The following WWC1 variants were observed in gnomAD, a reference collection of about 807,000 sequenced individuals.
WWC1 encodes the protein protein KIBRA.
A neutral mutation model predicts 138.4 loss-of-function variants in WWC1; 55 were observed. The observed-to-expected ratio is 0.40, with a 90% confidence interval of 0.32 to 0.50. The LOEUF (loss-of-function observed/expected upper bound fraction) is 0.50, where lower values mean the gene tolerates loss of function less well. Among genes scored for constraint, WWC1 ranks in the 20% least tolerant of loss-of-function variants. The probability of loss-of-function intolerance (pLI) is 0.72; values close to 1 mark genes in which losing one functional copy is unlikely to be tolerated. For synonymous variants in WWC1, 524 were observed against 564.9 expected, an observed-to-expected ratio of 0.93 and a Z score of 1.03; for missense variants, 1,226 against 1,420.4, an observed-to-expected ratio of 0.86 and a Z score of 2.20.
chr5:168,399,096 G>T (rs1482490892), intron 4 of WWC1, among the ~76,000 whole-genome samples: 1 of 152,144 alleles, frequency 6.6e-6, no homozygotes, highest in Non-Finnish European at 1.5e-5. Flanking sequence ...AGTGATCCAT[G>T]GCTCTGGAAA....
rs1411270620 is a variant in WWC1 at position 168,470,973 on chromosome 5, C to A, written c.*1956C>A. ...TTATGCACACCGCAATTTGAGAGCCCCACTGGTATAAAGTGAGTGAAACCC... is the reference window on the plus strand; with the variant it reads ...TTATGCACACCGCAATTTGAGAGCCACACTGGTATAAAGTGAGTGAAACCC... On this transcript the variant is annotated 3_prime_UTR_variant, in exon 23 of 23. Transcript: ENST00000265293. 6.6e-6 allele frequency: 1 copy of A among 152,180 alleles called. No homozygotes were observed. Among genetic ancestry groups the A allele is most frequent in the African/African-American group, 2.4e-5 (1 of 41,396 alleles). The allele number at this position is 152,180 out of a possible 1,614,324, so 9.4% of individuals were successfully genotyped here.
At chr5:168,404,436 G>T (rs759104000) in intron 5 of WWC1, among the ~76,000 whole-genome samples, 9 of 152,224 alleles carry the variant, frequency 5.9e-5, no homozygotes, top group African/African-American at 1.2e-4. Context: ...TTTTTAGTGG[G>T]GAGACATAAA....
intron 9 of WWC1, chr5:168,415,788 TGTGTGTGTGTGGGGGGGGGGGGGGG>T: frequency 1.8e-4 from 1 of 5,548 alleles, no homozygotes; most frequent in African/African-American, 6.9e-4. Flanking sequence ...GATTTTCAAG[TGTGTGTGTGTGGGGGGGGGGGGGGG>T]GCGTGTGTGT....
intron 3 of WWC1, 86 bp from the exon 4 acceptor site, chr5:168,397,638 C>G (rs922848276): frequency 5.0e-6 from 7 of 1,393,996 alleles, no homozygotes; most frequent in Non-Finnish European, 7.0e-6. Context: ...CCTTCCCTTT[C>G]TAGGTTTATT....
At chr5:168,386,542 G>A (rs916338800) in intron 3 of WWC1, among the ~76,000 whole-genome samples, 16 of 151,368 alleles carry the variant, frequency 1.1e-4, no homozygotes, top group South Asian at 2.1e-4. Flanking sequence ...ACAGGCGCCC[G>A]CCACCACGCC....
At chr5:168,429,780 A>G (rs895021692) in intron 13 of WWC1, among the ~76,000 whole-genome samples, 13 of 152,054 alleles carry the variant, frequency 8.5e-5, no homozygotes, top group Non-Finnish European at 1.9e-4. Context: ...CTAAAAATAC[A>G]CAAAATTAGC....
At chr5:168,425,447 T>G (rs1345501426) in intron 11 of WWC1, among the ~76,000 whole-genome samples, 1 of 152,080 alleles carries the variant, frequency 6.6e-6, no homozygotes, top group Admixed American at 6.5e-5. Flanking sequence ...TATTTACTCA[T>G]TTAAGCCTTA....
At chr5:168,441,940 C>T (rs1471936283) in intron 16 of WWC1, 106 bp downstream of exon 16, 2 of 1,444,400 alleles carry the variant, frequency 1.4e-6, no homozygotes, top group Non-Finnish European at 1.8e-6. Flanking sequence ...GAGAGGAGAA[C>T]AATGGGGTGG....
At chr5:168,301,668 G>A (rs1770094219) in intron 1 of WWC1, among the ~76,000 whole-genome samples, 1 of 150,356 alleles carries the variant, frequency 6.7e-6, no homozygotes, top group African/African-American at 2.4e-5. Flanking sequence ...AAGTGACCTT[G>A]AACCAGTTCC....
chr5:168,411,954 A>G, intron 8 of WWC1: 1 of 981,830 alleles, frequency 1.0e-6, no homozygotes, highest in Non-Finnish European at 1.2e-6. Flanking sequence ...AGAAGAAGGA[A>G]TTGAATACTG....
At chr5:168,463,584 C>T (rs888339059) in intron 20 of WWC1, among the ~76,000 whole-genome samples, 3 of 152,172 alleles carry the variant, frequency 2.0e-5, no homozygotes, top group African/African-American at 7.2e-5. Flanking sequence ...TTTTAGAATT[C>T]TGACTCCCAC....
intron 3 of WWC1, among the ~76,000 whole-genome samples, chr5:168,391,651 T>A (rs1369019841): frequency 4.2e-5 from 5 of 119,454 alleles, no homozygotes; most frequent in South Asian, 3.2e-4. Flanking sequence ...AGAGCAACAC[T>A]CCGTCTCAAA....
At chr5:168,338,119 T>C (rs1299630117) in intron 1 of WWC1, among the ~76,000 whole-genome samples, 5 of 151,980 alleles carry the variant, frequency 3.3e-5, no homozygotes, top group Non-Finnish European at 7.4e-5. Flanking sequence ...GAGACCGGTC[T>C]GGCCAACGTG....
At chr5:168,367,987 C>T (rs937220269) in intron 1 of WWC1, among the ~76,000 whole-genome samples, 1 of 152,030 alleles carries the variant, frequency 6.6e-6, no homozygotes, top group East Asian at 1.9e-4. Flanking sequence ...GGCAAAATGT[C>T]ATACTGTAAC....
intron 16 of WWC1, 135 bp downstream of exon 16, chr5:168,441,969 A>AC: frequency 7.6e-7 from 1 of 1,309,900 alleles, no homozygotes; most frequent in Non-Finnish European, 1.0e-6. Context: ...GGAGAAGAAG[A>AC]CAGGGAAGGA....
chr5:168,440,632 C>T (rs1754661296), intron 15 of WWC1, among the ~76,000 whole-genome samples: 1 of 152,142 alleles, frequency 6.6e-6, no homozygotes, highest in Non-Finnish European at 1.5e-5. Flanking sequence ...ATTCTCCTGC[C>T]CCAGCCTCCC....
intron 2 of WWC1, among the ~76,000 whole-genome samples, chr5:168,384,713 CTTTT>C (rs762052940): frequency 3.0e-5 from 3 of 99,638 alleles, no homozygotes; most frequent in Non-Finnish European, 2.0e-5. Flanking sequence ...CTGGTTTATT[CTTTT>C]TTTTTTTTTT....
At chr5:168,388,593 G>A (rs901628491) in intron 3 of WWC1, among the ~76,000 whole-genome samples, 5 of 152,154 alleles carry the variant, frequency 3.3e-5, no homozygotes, top group Non-Finnish European at 4.4e-5. Flanking sequence ...AATTTGGGAG[G>A]CCGAGGTAGG....
intron 1 of WWC1, among the ~76,000 whole-genome samples, chr5:168,363,568 C>G (rs1279110435): frequency 6.7e-6 from 1 of 150,238 alleles, no homozygotes; most frequent in African/African-American, 2.4e-5. Context: ...GCAGTCCCAG[C>G]TCCTCCAGGA....
Sources: gnomAD v4.1 joint callset for allele counts (sites outside exome capture counted in the v4.1 genomes callset) on GRCh38, gnomAD v4.1.1 for gene constraint, MANE v1.5 for transcripts, NCBI Gene and HGNC (gene_info 2026-07-23, HGNC 2026-07-21) for gene names.